The following WASF3 variants were observed in gnomAD, a reference collection of about 807,000 sequenced individuals.
WASF3 encodes WASP family member 3.
WASF3 carries 11 observed loss-of-function variants against 46.6 expected under a neutral mutation model. The observed-to-expected ratio is 0.24, with a 90% confidence interval of 0.15 to 0.39. The LOEUF is 0.39. Among genes scored for constraint, WASF3 ranks in the 10% least tolerant of loss-of-function variants. The pLI, the probability that WASF3 is intolerant of heterozygous loss-of-function variation, is 1.00. For missense variants in WASF3, 576 were observed against 669.8 expected (o/e 0.86, Z 1.55); for synonymous variants, 242 against 259.7 (o/e 0.93, Z 0.65).
At chr13:26,663,523 G>C (rs1302180997) in intron 3 of WASF3, among the ~76,000 whole-genome samples, 4 of 152,216 alleles carry the variant, frequency 2.6e-5, no homozygotes, top group Non-Finnish European at 5.9e-5. Context: ...AGCTTTAAGA[G>C]AAGCAATTTA....
chr13:26,601,380 T>A (rs73166068), intron 1 of WASF3, among the ~76,000 whole-genome samples: 4 of 109,406 alleles, frequency 3.7e-5, no homozygotes, highest in Admixed American at 1.0e-4. Flanking sequence ...AGTTCTATAG[T>A]CATTTAATCA....
At chr13:26,670,992 T>C (rs1467823756) in intron 5 of WASF3, among the ~76,000 whole-genome samples, 1 of 152,216 alleles carries the variant, frequency 6.6e-6, no homozygotes, top group Non-Finnish European at 1.5e-5. Flanking sequence ...CCTATACTCA[T>C]TTAACTGATT....
chr13:26,667,751 G>A, intron 5 of WASF3, 81 bp downstream of exon 5: 1 of 1,385,490 alleles, frequency 7.2e-7, no homozygotes, highest in Non-Finnish European at 9.8e-7. Flanking sequence ...GATGCATTGT[G>A]TGGGAATGTC....
intron 1 of WASF3, among the ~76,000 whole-genome samples, chr13:26,588,395 C>T (rs1287980438): frequency 2.0e-5 from 3 of 152,186 alleles, no homozygotes; most frequent in African/African-American, 7.2e-5. Context: ...ATCAGAACCA[C>T]AGAGTCCCAA....
chr13:26,676,891 C>T (rs755514934), intron 7 of WASF3, among the ~76,000 whole-genome samples, 167 bp downstream of exon 7: 1 of 152,150 alleles, frequency 6.6e-6, no homozygotes, highest in Non-Finnish European at 1.5e-5. Flanking sequence ...TGAAATAATA[C>T]TTGAAGACAG....
chr13:26,622,852 G>C (rs1881349536), intron 2 of WASF3: 1 of 152,136 alleles, frequency 6.6e-6, no homozygotes, highest in Non-Finnish European at 1.5e-5. Context: ...AACAAAAGAA[G>C]AAGCTGATAT....
intron 2 of WASF3, chr13:26,626,437 A>G (rs2137251559): frequency 6.6e-6 from 1 of 152,356 alleles, no homozygotes; most frequent in East Asian, 1.9e-4. Context: ...AATTTTACAA[A>G]GAAGGTGCAC....
At chr13:26,656,324 A>G (rs973967367) in intron 3 of WASF3, among the ~76,000 whole-genome samples, 2 of 152,196 alleles carry the variant, frequency 1.3e-5, no homozygotes, top group Non-Finnish European at 2.9e-5. Context: ...AAATGAAAAC[A>G]TTTACCTTTC....
At chr13:26,549,428 C>G in the WASF3 span, among the ~76,000 whole-genome samples, 19 of 152,120 alleles carry the variant, frequency 1.2e-4, no homozygotes, top group African/African-American at 4.3e-4. Flanking sequence ...CGACTTGTCT[C>G]TCTTTTTATT....
At chr13:26,675,353 C>T (rs1395945233) in intron 6 of WASF3, among the ~76,000 whole-genome samples, 1 of 151,998 alleles carries the variant, frequency 6.6e-6, no homozygotes, top group Non-Finnish European at 1.5e-5. Flanking sequence ...AGCTCTCACA[C>T]AGTCTGTCCT....
intron 2 of WASF3, among the ~76,000 whole-genome samples, chr13:26,617,659 T>C (rs544175523): frequency 3.9e-4 from 59 of 152,322 alleles, no homozygotes; most frequent in Non-Finnish European, 6.6e-4. Context: ...ATAGTTTCTA[T>C]CTCATTTTAT....
intron 1 of WASF3, among the ~76,000 whole-genome samples, chr13:26,595,526 G>A (rs1308241577): frequency 6.6e-6 from 1 of 151,736 alleles, no homozygotes; most frequent in East Asian, 1.9e-4. Context: ...TAAACTGCAG[G>A]TGTGTGTGTG....
chr13:26,656,004 G>A (rs1157781499), intron 3 of WASF3, among the ~76,000 whole-genome samples: 1 of 152,130 alleles, frequency 6.6e-6, no homozygotes, highest in African/African-American at 2.4e-5. Context: ...AGTACAAAAA[G>A]CCAAAATCTT....
chr13:26,671,123 A>G (rs539704523), intron 5 of WASF3, among the ~76,000 whole-genome samples: 7 of 152,290 alleles, frequency 4.6e-5, no homozygotes, highest in Admixed American at 2.6e-4. Flanking sequence ...TTTACTTTGT[A>G]TCATGATGGT....
At chr13:26,671,467 G>A (rs1293916084) in intron 5 of WASF3, among the ~76,000 whole-genome samples, 1 of 152,130 alleles carries the variant, frequency 6.6e-6, no homozygotes, top group African/African-American at 2.4e-5. Flanking sequence ...TAATGATATT[G>A]AAGCTCCAGT....
At chr13:26,552,893 T>G (rs1200561499), upstream of WASF3, among the ~76,000 whole-genome samples, 1 of 152,224 alleles carries the variant, frequency 6.6e-6, no homozygotes, top group Non-Finnish European at 1.5e-5. Flanking sequence ...ACTGAGGGAA[T>G]ACCTAATTTA....
At chr13:26,593,088 A>G (rs181608634) in intron 1 of WASF3, among the ~76,000 whole-genome samples, 4 of 152,286 alleles carry the variant, frequency 2.6e-5, no homozygotes, top group African/African-American at 2.4e-5. Context: ...GGTTCAGTGA[A>G]TGGATGAATA....
chr13:26,665,854 A>T (rs1426299435), intron 4 of WASF3, among the ~76,000 whole-genome samples: 1 of 152,188 alleles, frequency 6.6e-6, no homozygotes, highest in African/African-American at 2.4e-5. Context: ...TAAAAAGTAC[A>T]AAATATACCA....
intron 1 of WASF3, among the ~76,000 whole-genome samples, chr13:26,591,791 G>A (rs1014536282): frequency 6.6e-6 from 1 of 152,032 alleles, no homozygotes; most frequent in Non-Finnish European, 1.5e-5. Flanking sequence ...GGAGGGAGTC[G>A]GGATAGAGAA....
Sources: gnomAD v4.1 joint callset for allele counts (sites outside exome capture counted in the v4.1 genomes callset) on GRCh38, gnomAD v4.1.1 for gene constraint, MANE v1.5 for transcripts, NCBI Gene and HGNC (gene_info 2026-07-23, HGNC 2026-07-21) for gene names.